Variants in PHLDB2 observed in about 807,000 individuals in gnomAD.
PHLDB2 encodes the protein pleckstrin homology like domain family B member 2, also known as pleckstrin homology-like domain family B member 2.
A neutral mutation model predicts 123.6 loss-of-function variants in PHLDB2; 71 were observed. The ratio of observed to expected loss-of-function variants is 0.57; its 90% CI spans 0.47 to 0.70. The LOEUF (loss-of-function observed/expected upper bound fraction) is 0.70, where lower values mean the gene tolerates loss of function less well. PHLDB2 is among the 30% of genes least tolerant of loss of function. The probability of loss-of-function intolerance (pLI) is 0.00; values close to 1 mark genes in which losing one functional copy is unlikely to be tolerated. For synonymous variants in PHLDB2, 547 were observed against 541.6 expected, an observed-to-expected ratio of 1.01 and a Z score of -0.14; for missense variants, 1,446 against 1,519.5, an observed-to-expected ratio of 0.95 and a Z score of 0.80.
At chr3:111,962,364 C>G in intron 13 of PHLDB2, 52 bp downstream of exon 13, 2 of 1,538,816 alleles carry the variant, frequency 1.3e-6, no homozygotes, top group Non-Finnish European at 8.8e-7. Flanking sequence ...GCCTACTGCT[C>G]ACAAAAAGTA....
At chr3:111,905,500 G>A (rs912426324) in intron 2 of PHLDB2, among the ~76,000 whole-genome samples, 1 of 152,034 alleles carries the variant, frequency 6.6e-6, no homozygotes, top group Admixed American at 6.5e-5. Flanking sequence ...GGGACTACAG[G>A]TGCGTGCCAC....
At chr3:111,905,485 T>A (rs2067457960) in intron 2 of PHLDB2, among the ~76,000 whole-genome samples, 1 of 152,150 alleles carries the variant, frequency 6.6e-6, no homozygotes, top group African/African-American at 2.4e-5. Context: ...GCCTCCCAAG[T>A]AGCTGGGACT....
At chr3:111,780,183 G>T (rs972518497) in intron 1 of PHLDB2, among the ~76,000 whole-genome samples, 9 of 150,104 alleles carry the variant, frequency 6.0e-5, no homozygotes, top group African/African-American at 2.2e-4. Flanking sequence ...ACCTTAAAGA[G>T]AAGGTTCGGC....
chr3:111,967,791 G>T lies in PHLDB2; in HGVS notation c.3282G>T (p.Lys1094Asn). 1 of 1,611,716 alleles carries T rather than the reference G, an allele frequency of 6.2e-7. No homozygotes were observed. The highest frequency in any genetic ancestry group is 2.2e-5 in the East Asian group (1 of 44,860). Reference sequence around the variant, plus strand: ...GCCAGAGGCAGAAGTTAATAGAAAAGGAAGTAAAAATAAGGGAGAGACAAA... The same window carrying T: ...GCCAGAGGCAGAAGTTAATAGAAAATGAAGTAAAAATAAGGGAGAGACAAA... The part of the protein sequence containing the change: ...ETSQRQKLIE[K>N]EVKIRERQRA... The change falls in exon 15 of 18, where the codon AAG becomes AAT. Residue 1094 changes from lysine to asparagine, a missense_variant. Around this residue, in one of 3 missense-constraint regions of PHLDB2, gnomAD observed 594 missense variants for 646.0 expected, o/e 0.92. Transcript: ENST00000431670.
At chr3:111,787,394 A>G (rs2060728410) in intron 1 of PHLDB2, among the ~76,000 whole-genome samples, 2 of 152,234 alleles carry the variant, frequency 1.3e-5, no homozygotes, top group Non-Finnish European at 2.9e-5. Context: ...GGAACTTATA[A>G]GTGAGATATT....
At chr3:111,855,273 G>T (rs2108621935), upstream of PHLDB2, among the ~76,000 whole-genome samples, 1 of 152,286 alleles carries the variant, frequency 6.6e-6, no homozygotes, top group Middle Eastern at 3.4e-3. Context: ...AAGGTCTGCT[G>T]TTTAGTTTAC....
upstream of PHLDB2, among the ~76,000 whole-genome samples, chr3:111,858,920 C>T (rs1417620292): frequency 2.0e-5 from 3 of 152,176 alleles, no homozygotes; most frequent in Non-Finnish European, 4.4e-5. Context: ...AAAGCATTGG[C>T]TGGTGGACCT....
At chr3:111,846,102 C>T (rs900873372) in intron 2 of PHLDB2, 2 of 645,476 alleles carry the variant, frequency 3.1e-6, no homozygotes, top group African/African-American at 3.7e-5. Context: ...TGGTCACCTG[C>T]TTGTTCACAG....
At chr3:111,771,932 G>A (rs1458679613) in intron 1 of PHLDB2, among the ~76,000 whole-genome samples, 1 of 152,112 alleles carries the variant, frequency 6.6e-6, no homozygotes, top group East Asian at 1.9e-4. Context: ...GCTTATTTTA[G>A]TGTTACTTAC....
intron 1 of PHLDB2, 179 bp downstream of exon 1, chr3:111,859,755 T>C: frequency 1.0e-6 from 1 of 984,370 alleles, no homozygotes; most frequent in Non-Finnish European, 1.2e-6. Context: ...GCGCGCTGAC[T>C]GCTCACCGCG....
At chr3:111,879,102 G>A (rs1004691395) in intron 1 of PHLDB2, among the ~76,000 whole-genome samples, 1 of 152,094 alleles carries the variant, frequency 6.6e-6, no homozygotes, top group Non-Finnish European at 1.5e-5. Flanking sequence ...TTTTTCTATT[G>A]TCTGGAATAG....
At position 111,913,400 on chromosome 3, in the gene PHLDB2, G is replaced by T; in HGVS notation, c.1417G>T (p.Val473Leu). 6.2e-7 allele frequency: 1 copy of T among 1,614,128 alleles called. No individual in the cohort carries two copies. ...PDSRLSTGTTVEDVQKINKEL... is the reference protein window; with the variant it reads ...PDSRLSTGTTLEDVQKINKEL... ...CAGTCGCTTATCTACTGGGACCACCGTGGAAGATGTGCAGAAAATCAACAA... is the reference window on the plus strand; with the variant it reads ...CAGTCGCTTATCTACTGGGACCACCTTGGAAGATGTGCAGAAAATCAACAA... Residue 473 changes from valine (V) to leucine (L), a missense_variant, in exon 3 of 18, where the codon GTG becomes TTG. Around this residue, in one of 3 missense-constraint regions of PHLDB2, gnomAD observed 832 missense variants for 831.9 expected, o/e 1.00. Transcript: ENST00000431670.
chr3:111,907,484 T>TTTTG lies in PHLDB2; in HGVS notation c.1336-5811_1336-5808dup, dbSNP rs367885742. ...ACCCAAGCTGTAGTACCCACAGGTT[T>TTTTG]TTTGTTTGTTTGTTTGTTTGTTTGT... is the stretch of plus-strand genomic sequence containing the variant. On this transcript the variant is annotated intron_variant, in intron 2 of 17. Coordinates refer to ENST00000431670, the MANE Select transcript of PHLDB2 (RefSeq NM_001134438.2). Among the ~76,000 whole-genome samples, 70 of 152,030 alleles carry TTTTG rather than the reference T, an allele frequency of 4.6e-4. No individual in the cohort carries two copies. In the Middle Eastern group the frequency reaches 0.01, roughly 22 times the overall value.
At chr3:111,803,108 C>T (rs1256069015) in intron 1 of PHLDB2, among the ~76,000 whole-genome samples, 1 of 152,156 alleles carries the variant, frequency 6.6e-6, no homozygotes, top group Admixed American at 6.5e-5. Context: ...GTCTATATGG[C>T]CATCTCTCTA....
At chr3:111,907,336 C>T (rs1176794470) in intron 2 of PHLDB2, among the ~76,000 whole-genome samples, 1 of 152,154 alleles carries the variant, frequency 6.6e-6, no homozygotes, top group South Asian at 2.1e-4. Flanking sequence ...AAGACACACA[C>T]GGGGCAGAGT....
intron 1 of PHLDB2, among the ~76,000 whole-genome samples, chr3:111,827,175 A>G (rs2062695526): frequency 3.3e-5 from 5 of 152,190 alleles, no homozygotes; most frequent in African/African-American, 1.2e-4. Flanking sequence ...CAACCTATCA[A>G]ACTGACTTAT....
intron 1 of PHLDB2, among the ~76,000 whole-genome samples, chr3:111,788,932 GA>G (rs368322738): frequency 1.1e-3 from 169 of 152,262 alleles, no homozygotes; most frequent in African/African-American, 3.8e-3. Flanking sequence ...CTCAGTAAAG[GA>G]ATAGCTCCAT....
chr3:111,968,070 G>A (rs1252450790), intron 15 of PHLDB2, among the ~76,000 whole-genome samples: 5 of 151,070 alleles, frequency 3.3e-5, no homozygotes, highest in Admixed American at 6.6e-5. Context: ...TGCATGGAAC[G>A]TTTTGCCAGG....
At chr3:111,888,046 T>A (rs1392442296) in intron 2 of PHLDB2, among the ~76,000 whole-genome samples, 1 of 152,134 alleles carries the variant, frequency 6.6e-6, no homozygotes, top group African/African-American at 2.4e-5. Flanking sequence ...GAAGGAGAGT[T>A]AAAATCCTTT....
Sources: allele counts gnomAD v4.1 joint callset (sites outside exome capture counted in the v4.1 genomes callset), GRCh38; gene constraint gnomAD v4.1.1; regional missense constraint gnomAD v4.1.1; transcripts MANE v1.5; gene names NCBI Gene and HGNC (gene_info 2026-07-23, HGNC 2026-07-21).